The following FRMD6 variants were observed in gnomAD, a reference collection of about 807,000 sequenced individuals.
The protein encoded by FRMD6 is FERM domain-containing protein 6.
Under a neutral mutation model 73.2 loss-of-function variants are expected in FRMD6, and 37 were observed. That is an observed-to-expected ratio of 0.51 (90% confidence interval 0.39 to 0.66). FRMD6 has a LOEUF of 0.66. Among genes scored for constraint, FRMD6 ranks in the 30% least tolerant of loss-of-function variants. The probability of loss-of-function intolerance (pLI) is 0.00; values close to 1 mark genes in which losing one functional copy is unlikely to be tolerated. For missense variants in FRMD6, 714 were observed against 780.5 expected (o/e 0.91, Z 1.02); for synonymous variants, 273 against 282.2 (o/e 0.97, Z 0.33).
At chr14:51,624,043 G>T (rs1891028496) in intron 2 of FRMD6, among the ~76,000 whole-genome samples, 1 of 152,118 alleles carries the variant, frequency 6.6e-6, no homozygotes, top group African/African-American at 2.4e-5. Flanking sequence ...GCAAACTAAT[G>T]CAGGAACAGA....
At chr14:51,622,560 A>C (rs933856577) in intron 2 of FRMD6, among the ~76,000 whole-genome samples, 5 of 152,188 alleles carry the variant, frequency 3.3e-5, no homozygotes, top group Admixed American at 2.0e-4. Flanking sequence ...AAGTTCTTTC[A>C]TAGTACCAAC....
chr14:51,562,682 G>A (rs1043786544), intron 1 of FRMD6, among the ~76,000 whole-genome samples: 2 of 152,144 alleles, frequency 1.3e-5, no homozygotes, highest in African/African-American at 2.4e-5. Flanking sequence ...TTACCAAGAA[G>A]ATTTGAGTCA....
At chr14:51,433,109 A>C in the FRMD6 span, among the ~76,000 whole-genome samples, 1 of 152,238 alleles carries the variant, frequency 6.6e-6, no homozygotes, top group Non-Finnish European at 1.5e-5. Flanking sequence ...AAGCTGGTAC[A>C]ACCTTTTAAA....
the FRMD6 span, among the ~76,000 whole-genome samples, chr14:51,458,108 C>A: frequency 2.0e-5 from 3 of 152,148 alleles, no homozygotes; most frequent in Non-Finnish European, 4.4e-5. Context: ...TCCTTTGTTT[C>A]CAAAATTCAG....
At chr14:51,685,368 G>C (rs2140329011) in intron 1 of FRMD6, among the ~76,000 whole-genome samples, 1 of 152,250 alleles carries the variant, frequency 6.6e-6, no homozygotes, top group East Asian at 1.9e-4. Context: ...ACTCTATCAA[G>C]TACTCTGGGC....
chr14:51,448,673 G>T, the FRMD6 span, among the ~76,000 whole-genome samples: 3 of 152,226 alleles, frequency 2.0e-5, no homozygotes, highest in Non-Finnish European at 4.4e-5. Flanking sequence ...TCTGTCTGTA[G>T]TTCAAGGGCA....
intron 1 of FRMD6, among the ~76,000 whole-genome samples, chr14:51,510,308 C>T (rs1350225281): frequency 6.6e-6 from 1 of 152,170 alleles, no homozygotes; most frequent in Non-Finnish European, 1.5e-5. Flanking sequence ...GTAGCAGACC[C>T]AGGAATTAGA....
At chr14:51,456,882 T>C in the FRMD6 span, among the ~76,000 whole-genome samples, 2 of 152,098 alleles carry the variant, frequency 1.3e-5, no homozygotes, top group Non-Finnish European at 2.9e-5. Flanking sequence ...TTAAGTAAAA[T>C]AAGCTAGGCA....
chr14:51,656,232 A>G (rs1289733050), intron 1 of FRMD6, among the ~76,000 whole-genome samples: 1 of 152,216 alleles, frequency 6.6e-6, no homozygotes, highest in Non-Finnish European at 1.5e-5. Flanking sequence ...TTGATCAAAG[A>G]TGAATTACAG....
At chr14:51,665,585 C>A (rs150793024) in intron 1 of FRMD6, among the ~76,000 whole-genome samples, 33 of 152,322 alleles carry the variant, frequency 2.2e-4, no homozygotes, top group African/African-American at 7.7e-4. Context: ...AGCTCCCCAG[C>A]TGTACTAGTT....
chr14:51,702,564 A>G lies in FRMD6; in HGVS notation c.347A>G (p.Tyr116Cys), dbSNP rs765232561. The change falls in exon 5 of 14, where the codon TAT (tyrosine) becomes TGT (cysteine). Residue 116 changes from tyrosine (Y) to cysteine (C), a missense_variant. By Grantham distance (194) the Tyr-to-Cys change is radical. Transcript: ENST00000344768. ...PMIIHFRVQY[Y>C]VENGRLISDR... Reference sequence around the variant, plus strand: ...ATCATCCACTTCCGTGTGCAGTACTATGTGGAAAATGGCAGATTGATCAGG... The same window carrying G: ...ATCATCCACTTCCGTGTGCAGTACTGTGTGGAAAATGGCAGATTGATCAGG... 1.9e-6 allele frequency: 3 copies of G among 1,611,832 alleles called. No individual in the cohort carries two copies. The highest frequency in any genetic ancestry group is 2.5e-6 in the Non-Finnish European group (3 of 1,178,398).
the FRMD6 span, among the ~76,000 whole-genome samples, chr14:51,403,390 CTTTTA>C: frequency 7.0e-4 from 105 of 150,930 alleles, 1 homozygote; most frequent in Non-Finnish European, 5.6e-4. Context: ...TATTCTGCAA[CTTTTA>C]TTTTATTTTA....
chr14:51,548,884 A>G (rs1886624214), intron 1 of FRMD6, among the ~76,000 whole-genome samples: 1 of 152,114 alleles, frequency 6.6e-6, no homozygotes, highest in Non-Finnish European at 1.5e-5. Context: ...GAGATGGAAA[A>G]TCTTGGCCAC....
upstream of FRMD6, among the ~76,000 whole-genome samples, chr14:51,648,989 T>G (rs1421469952): frequency 6.6e-6 from 1 of 152,198 alleles, no homozygotes; most frequent in African/African-American, 2.4e-5. Flanking sequence ...ATCCCAACAT[T>G]AAGAAGAAAC....
chr14:51,540,330 G>A (rs887955457), intron 1 of FRMD6, among the ~76,000 whole-genome samples: 5 of 152,074 alleles, frequency 3.3e-5, no homozygotes, highest in Non-Finnish European at 7.4e-5. Flanking sequence ...AGAGAAAGAA[G>A]GTTGGGAAGT....
At chr14:51,615,380 T>A (rs995115792) in intron 2 of FRMD6, among the ~76,000 whole-genome samples, 1 of 152,214 alleles carries the variant, frequency 6.6e-6, no homozygotes, top group African/African-American at 2.4e-5. Context: ...ATGAGAAGAT[T>A]CATGTATTAG....
the FRMD6 span, among the ~76,000 whole-genome samples, chr14:51,447,856 T>A: frequency 6.6e-6 from 1 of 152,222 alleles, no homozygotes; most frequent in Non-Finnish European, 1.5e-5. Context: ...ACCTTACTTA[T>A]AACTTTAAAT....
intron 2 of FRMD6, among the ~76,000 whole-genome samples, chr14:51,622,476 C>A (rs1231836441): frequency 1.3e-5 from 2 of 152,238 alleles, no homozygotes; most frequent in East Asian, 3.9e-4. Context: ...GAGGCAGAAG[C>A]AGTCCTGACT....
chr14:51,495,356 C>G (rs577020407), intron 1 of FRMD6, among the ~76,000 whole-genome samples: 1 of 152,324 alleles, frequency 6.6e-6, no homozygotes, highest in Non-Finnish European at 1.5e-5. Flanking sequence ...TCTTTTCTTT[C>G]CGAGTCCTCA....
Sources: allele counts gnomAD v4.1 joint callset (sites outside exome capture counted in the v4.1 genomes callset), GRCh38; gene constraint gnomAD v4.1.1; transcripts MANE v1.5; gene names NCBI Gene and HGNC (gene_info 2026-07-23, HGNC 2026-07-21).